The following BPIFB4 variants were observed in gnomAD, a reference collection of about 807,000 sequenced individuals.
BPIFB4 encodes BPI fold-containing family B member 4.
Under a neutral mutation model 69.2 loss-of-function variants are expected in BPIFB4, and 62 were observed. The ratio of observed to expected loss-of-function variants is 0.90; its 90% CI spans 0.73 to 1.11. The LOEUF is 1.11. Among genes scored for constraint, BPIFB4 ranks in the 50% least tolerant of loss-of-function variants. BPIFB4 has a pLI of 0.00. For synonymous variants in BPIFB4, 330 were observed against 332.7 expected (o/e 0.99, Z 0.09); for missense variants, 789 against 792.0 (o/e 1.00, Z 0.04).
At chr20:33,089,191 A>G (rs1981523957) in intron 8 of BPIFB4, among the ~76,000 whole-genome samples, 162 bp downstream of exon 8, 1 of 152,192 alleles carries the variant, frequency 6.6e-6, no homozygotes, top group Admixed American at 6.5e-5. Context: ...GACCCTGAGG[A>G]ACACGAAAGG....
At chr20:33,083,939 C>G in intron 5 of BPIFB4, 65 bp downstream of exon 5, 1 of 1,509,210 alleles carries the variant, frequency 6.6e-7, no homozygotes, top group South Asian at 1.3e-5. Flanking sequence ...TGATCACTCC[C>G]TGAAGCTGGG....
At chr20:33,100,619 T>C in intron 14 of BPIFB4, 126 bp downstream of exon 14, 2 of 784,392 alleles carry the variant, frequency 2.5e-6, no homozygotes, top group Non-Finnish European at 4.0e-6. Flanking sequence ...GCTGCAAAGG[T>C]GACGATGGCT....
intron 15 of BPIFB4, 21 bp downstream of exon 15, chr20:33,103,035 C>T: frequency 6.2e-7 from 1 of 1,611,600 alleles, no homozygotes; most frequent in Non-Finnish European, 8.5e-7. Context: ...TGTTTAGTTC[C>T]CAGGGCAAGA....
intron 4 of BPIFB4, 26 bp from the exon 5 acceptor site, chr20:33,083,341 C>CT (rs1182063343): frequency 4.4e-6 from 7 of 1,602,298 alleles, no homozygotes; most frequent in Admixed American, 1.7e-5. Flanking sequence ...ATTACAATGA[C>CT]TACAGACGCA....
intron 13 of BPIFB4, 122 bp downstream of exon 13, chr20:33,097,909 C>T: frequency 9.0e-7 from 1 of 1,108,334 alleles, no homozygotes; most frequent in Middle Eastern, 2.6e-4. Context: ...ATGGGCCCAA[C>T]TTTGGGGCCA....
intron 14 of BPIFB4, 34 bp from the exon 15 acceptor site, chr20:33,102,938 C>T: frequency 6.2e-7 from 1 of 1,611,210 alleles, no homozygotes; most frequent in South Asian, 1.1e-5. Context: ...TCAGGCAATC[C>T]CTGCTTCTCA....
chr20:33,110,714 C>T (rs942480486), intron 17 of BPIFB4, among the ~76,000 whole-genome samples: 2 of 149,800 alleles, frequency 1.3e-5, no homozygotes, highest in Non-Finnish European at 1.5e-5. Flanking sequence ...TTTATTTATC[C>T]ATTTAATTAT....
chr20:33,096,151 A>G (rs116558979), intron 12 of BPIFB4, among the ~76,000 whole-genome samples: 7,338 of 152,290 alleles, frequency 0.048, 359 homozygotes, highest in African/African-American at 0.13. Flanking sequence ...ATCATTCTCT[A>G]GGGTGGTAAC....
chr20:33,095,270 G>T, intron 12 of BPIFB4, 117 bp downstream of exon 12: 1 of 1,086,874 alleles, frequency 9.2e-7, no homozygotes, highest in Non-Finnish European at 1.4e-6. Flanking sequence ...CCGAACCCCT[G>T]CTTGGGAGTG....
In BPIFB4 at chr20:33,095,034, TA is replaced by T. The variant is rs2146410087; in HGVS notation, c.1345-65del. 3.5e-6 allele frequency: 5 copies of T among 1,435,680 alleles called. No individual in the cohort carries two copies. In the South Asian group the frequency reaches 5.7e-5, roughly 16 times the overall value. 88.9% of individuals were successfully genotyped at this position (1,435,680 alleles called of 1,614,324 possible). ...AAAGCATGTAGGAGTTTAATCACTG[TA>T]TTAGCAACTCCTGTCTGTACCGATA... On this transcript the variant is annotated intron_variant, in intron 11 of 17. Coordinates refer to ENST00000375483, the MANE Select transcript of BPIFB4 (RefSeq NM_182519.3).
Position 33,092,559 on chromosome 20 carries a change from C to T in BPIFB4, c.1245C>T (p.Asn415=), listed in dbSNP as rs780142226. 1 of 1,614,092 alleles carries T rather than the reference C, an allele frequency of 6.2e-7. No homozygotes were observed. Among genetic ancestry groups the T allele is most frequent in the Admixed American group, 1.7e-5 (1 of 60,030 alleles). ...PMPELPPMGD[N]TKSQLAMSAN... is the part of the protein sequence containing the mutation. ...CAGAGCTGCCTCCCATGGGTGACAACACCAAGTCCCAGCTGGCCATGTCTG... is the reference window on the plus strand; with the variant it reads ...CAGAGCTGCCTCCCATGGGTGACAATACCAAGTCCCAGCTGGCCATGTCTG... Residue 415 remains asparagine (N), a synonymous_variant, in exon 11 of 18, where the codon AAC becomes AAT. Transcript: ENST00000375483.
chr20:33,107,305 C>G (rs1982094813), intron 16 of BPIFB4, among the ~76,000 whole-genome samples: 2 of 151,776 alleles, frequency 1.3e-5, no homozygotes, highest in Non-Finnish European at 2.9e-5. Flanking sequence ...AAAGAAATTG[C>G]CAGGTGTGGG....
chr20:33,094,081 A>G (rs1480286330), intron 11 of BPIFB4, among the ~76,000 whole-genome samples: 1 of 152,236 alleles, frequency 6.6e-6, no homozygotes, highest in Non-Finnish European at 1.5e-5. Context: ...GCACAAAACC[A>G]TCATACAAAT....
At chr20:33,087,458 A>G (rs909303854) in intron 7 of BPIFB4, among the ~76,000 whole-genome samples, 1 of 152,122 alleles carries the variant, frequency 6.6e-6, no homozygotes, top group Non-Finnish European at 1.5e-5. Flanking sequence ...TCTGCATCCA[A>G]ACATCGAGAG....
At chr20:33,109,343 C>G (rs1337750785) in intron 17 of BPIFB4, among the ~76,000 whole-genome samples, 1 of 152,130 alleles carries the variant, frequency 6.6e-6, no homozygotes, top group Non-Finnish European at 1.5e-5. Flanking sequence ...GTTCAGTGCC[C>G]CATACATAGT....
At position 33,092,892 on chromosome 20, in the gene BPIFB4, C is replaced by T. The variant is rs573258317; in HGVS notation, c.1344+234C>T. On this transcript the variant is annotated intron_variant, in intron 11 of 17. Transcript: ENST00000375483. ...CAAATCTCACGATGAGAAAGTTGCT[C>T]CCTATTCAATTTTATTTAACTTTAT... Among the ~76,000 whole-genome samples the T allele has an allele frequency of 1.4e-4, 21 of 152,238 alleles. No homozygotes were observed. The South Asian group carries it at 2.3e-3, about 17-fold the overall frequency.
At chr20:33,097,491 G>C in intron 12 of BPIFB4, 126 bp from the exon 13 acceptor site, 1 of 1,016,304 alleles carries the variant, frequency 9.8e-7, no homozygotes, top group East Asian at 2.4e-5. Flanking sequence ...CATTGGCTTT[G>C]CCTGTGGTTT....
At chr20:33,111,263 G>A (rs1290346386) in intron 17 of BPIFB4, 151 bp from the exon 18 acceptor site, 4 of 911,170 alleles carry the variant, frequency 4.4e-6, no homozygotes, top group Non-Finnish European at 1.7e-6. Flanking sequence ...CTGGCCAGGT[G>A]CTCCTCGGGC....
At chr20:33,091,849 G>T (rs1173323837) in intron 10 of BPIFB4, among the ~76,000 whole-genome samples, 2 of 152,356 alleles carry the variant, frequency 1.3e-5, no homozygotes, top group East Asian at 3.9e-4. Context: ...AGGATCCGAG[G>T]CTATCAGAGC....
Sources: gnomAD v4.1 joint callset for allele counts (sites outside exome capture counted in the v4.1 genomes callset) on GRCh38, gnomAD v4.1.1 for gene constraint, MANE v1.5 for transcripts, NCBI Gene and HGNC (gene_info 2026-07-23, HGNC 2026-07-21) for gene names.